SLC6A2: variants seen among roughly 807,000 people sequenced by gnomAD.
SLC6A2 encodes solute carrier family 6 member 2.
SLC6A2 carries 26 observed loss-of-function variants against 71.7 expected under a neutral mutation model. The observed-to-expected ratio is 0.36, with a 90% confidence interval of 0.27 to 0.50. The LOEUF is 0.50. Among genes scored for constraint, SLC6A2 ranks in the 20% least tolerant of loss-of-function variants. The pLI is 0.96. For synonymous variants in SLC6A2, 363 were observed against 337.9 expected, an observed-to-expected ratio of 1.07 and a Z score of -0.82; for missense variants, 581 against 803.9, an observed-to-expected ratio of 0.72 and a Z score of 3.35.
At chr16:55,657,515 G>A (rs959215729) in intron 2 of SLC6A2, among the ~76,000 whole-genome samples, 2 of 152,168 alleles carry the variant, frequency 1.3e-5, no homozygotes, top group Non-Finnish European at 2.9e-5. Flanking sequence ...GAGGCCCTGT[G>A]GTCTTGGGGA....
At chr16:55,698,807 AC>A (rs1965880672) in intron 11 of SLC6A2, among the ~76,000 whole-genome samples, 1 of 152,130 alleles carries the variant, frequency 6.6e-6, no homozygotes, top group East Asian at 1.9e-4. Context: ...GAAAATGCTG[AC>A]CCCCAAGTCA....
intron 4 of SLC6A2, among the ~76,000 whole-genome samples, chr16:55,676,001 G>A (rs1965075189): frequency 6.6e-6 from 1 of 152,116 alleles, no homozygotes; most frequent in Non-Finnish European, 1.5e-5. Flanking sequence ...GGGCTCAGGG[G>A]AGTCAGTGTT....
At chr16:55,675,201 AATGTAGCATCC>A (rs1357219723) in intron 4 of SLC6A2, among the ~76,000 whole-genome samples, 4 of 152,128 alleles carry the variant, frequency 2.6e-5, no homozygotes, top group Admixed American at 2.6e-4. Context: ...CTCTGTTCAC[AATGTAGCATCC>A]ATTGTCTTCA....
chr16:55,669,470 A>G (rs1555502727), intron 2 of SLC6A2, 95 bp from the exon 3 acceptor site: 1 of 1,375,124 alleles, frequency 7.3e-7, no homozygotes, highest in South Asian at 1.2e-5. Flanking sequence ...CCAGCTGAGC[A>G]GACGCCCAGG....
chr16:55,703,070 T>C lies in SLC6A2; in HGVS notation c.*724T>C. 1.0e-6 allele frequency: 1 copy of C among 986,452 alleles called. No individual in the cohort carries two copies. Among genetic ancestry groups the C allele is most frequent in the Non-Finnish European group, 1.2e-6 (1 of 830,734 alleles). 61.1% of individuals were successfully genotyped at this position (986,452 alleles called of 1,614,324 possible). A position where few individuals can be genotyped will look rare whatever the true frequency, so the allele number is the denominator to read the frequency against. The stretch of plus-strand genomic sequence containing the variant: ...TGGGGGACAGGAGGAAGAGGGTAAA[T>C]GAACCACAGTGAGCAGGTTCTAGGA... On this transcript the variant is annotated 3_prime_UTR_variant, in exon 15 of 15. Coordinates refer to ENST00000568943, the MANE Select transcript of SLC6A2 (RefSeq NM_001172501.3).
At chr16:55,683,856 C>A (rs1965360449) in intron 4 of SLC6A2, among the ~76,000 whole-genome samples, 1 of 152,072 alleles carries the variant, frequency 6.6e-6, no homozygotes, top group African/African-American at 2.4e-5. Flanking sequence ...CCAGGGTACA[C>A]CTCTCCTGAC....
intron 2 of SLC6A2, among the ~76,000 whole-genome samples, chr16:55,663,572 C>T (rs538971701): frequency 5.4e-4 from 83 of 152,294 alleles, no homozygotes; most frequent in Middle Eastern, 6.8e-3. Context: ...CAAGGCACTC[C>T]CTCACCTTCA....
intron 5 of SLC6A2, among the ~76,000 whole-genome samples, chr16:55,690,850 G>A (rs1475954625): frequency 1.3e-5 from 2 of 152,172 alleles, no homozygotes; most frequent in African/African-American, 4.8e-5. Context: ...AGAAGGAATA[G>A]CAAGGAAACC....
intron 13 of SLC6A2, 56 bp downstream of exon 13, chr16:55,700,362 G>A (rs1402932560): frequency 7.5e-6 from 11 of 1,470,526 alleles, no homozygotes; most frequent in South Asian, 1.2e-5. Flanking sequence ...GGGGGAAGAC[G>A]GGACGACTCT....
Position 55,705,132 on chromosome 16 carries a change from T to A in SLC6A2, c.*2786T>A. On this transcript the variant is annotated 3_prime_UTR_variant, in exon 15 of 15. Coordinates refer to ENST00000568943, the MANE Select transcript of SLC6A2 (RefSeq NM_001172501.3). ...TAAAGAATTATTATTTTTCATGAAATGTAAAATATCAGTTTGAGAACATCA... is the reference window on the plus strand; with the variant it reads ...TAAAGAATTATTATTTTTCATGAAAAGTAAAATATCAGTTTGAGAACATCA... 9.7e-7 allele frequency: 1 copy of A among 1,027,204 alleles called. No individual in the cohort carries two copies. The highest frequency in any genetic ancestry group is 1.5e-6 in the Non-Finnish European group (1 of 689,350). 63.6% of individuals were successfully genotyped at this position (1,027,204 alleles called of 1,614,324 possible).
intron 8 of SLC6A2, 31 bp from the exon 9 acceptor site, chr16:55,696,194 C>T: frequency 7.6e-7 from 1 of 1,318,940 alleles, no homozygotes; most frequent in Non-Finnish European, 1.1e-6. Context: ...ATGGTTTCAG[C>T]CATTGATGAG....
In SLC6A2 at chr16:55,703,276, C is replaced by A. The variant is rs1409644101; in HGVS notation, c.*930C>A. On this transcript the variant is annotated 3_prime_UTR_variant, in exon 15 of 15. Coordinates refer to ENST00000568943, the MANE Select transcript of SLC6A2 (RefSeq NM_001172501.3). ...TCATGTGTGTCTTCACCGTGCTGTC[C>A]TCACAAGGCCAGGTGGGTGCCCAAA... 1 of 985,320 alleles carries A rather than the reference C, an allele frequency of 1.0e-6. No homozygotes were observed. Among genetic ancestry groups the A allele is most frequent in the African/African-American group, 1.7e-5 (1 of 57,220 alleles). The allele number at this position is 985,320 out of a possible 1,614,324, so 61.0% of individuals were successfully genotyped here.
chr16:55,698,345 C>A (rs1428523311), intron 10 of SLC6A2, 124 bp from the exon 11 acceptor site: 1 of 767,068 alleles, frequency 1.3e-6, no homozygotes, highest in East Asian at 2.6e-5. Context: ...AGCCCTATGC[C>A]CTGGGTTTTC....
At chr16:55,701,671 A>G (rs551861076) in intron 13 of SLC6A2, among the ~76,000 whole-genome samples, 192 bp from the exon 14 acceptor site, 1 of 152,344 alleles carries the variant, frequency 6.6e-6, no homozygotes, top group African/African-American at 2.4e-5. Flanking sequence ...CTCAAGAAAC[A>G]GTGTCTGGAT....
chr16:55,680,784 G>A (rs1282912429), intron 4 of SLC6A2, among the ~76,000 whole-genome samples: 2 of 152,190 alleles, frequency 1.3e-5, no homozygotes, highest in African/African-American at 4.8e-5. Context: ...GGTAGAGGGA[G>A]CAACCAAGAG....
rs751480254 is a variant in SLC6A2 at position 55,700,294 on chromosome 16, C to G, written c.1746C>G (p.Gly582=). The part of the protein sequence containing the change: ...YVIYKFLSTQ[G]SLWERLAYGI... The stretch of plus-strand genomic sequence containing the variant: ...TCTATAAGTTCCTCAGCACGCAGGG[C>G]TCTCTTTGGGAGGTGAGCTCTGGTC... Residue 582 remains glycine (G), a synonymous_variant, in exon 13 of 15, where the codon GGC becomes GGG. Transcript: ENST00000568943. The G allele has an allele frequency of 6.2e-7, 1 of 1,613,316 alleles. No homozygotes were observed. The highest frequency in any genetic ancestry group is 1.1e-5 in the South Asian group (1 of 91,044).
rs1966034529 is a variant in SLC6A2 at position 55,703,479 on chromosome 16, ACT to A, written c.*1139_*1140del. ...AGGGTGAGACAAGCAGCCCAGAAATACTCTCTCAAGTGGAGGGGAGAATTTTG... is the reference window on the plus strand; with the variant it reads ...AGGGTGAGACAAGCAGCCCAGAAATACTCTCAAGTGGAGGGGAGAATTTTG... On this transcript the variant is annotated 3_prime_UTR_variant, in exon 15 of 15. Transcript: ENST00000568943. 3 of 985,192 alleles carry A rather than the reference ACT, an allele frequency of 3.0e-6. No individual in the cohort carries two copies. Among genetic ancestry groups the A allele is most frequent in the South Asian group, 9.4e-5 (2 of 21,280 alleles). 61.0% of individuals were successfully genotyped at this position (985,192 alleles called of 1,614,324 possible).
chr16:55,702,261 G>C, intron 14 of SLC6A2, 62 bp from the exon 15 acceptor site: 1 of 1,538,778 alleles, frequency 6.5e-7, no homozygotes, highest in Non-Finnish European at 9.0e-7. Context: ...GCCCCCGCCA[G>C]CTGGCCCTTG....
chr16:55,695,189 C>A, intron 7 of SLC6A2, 89 bp from the exon 8 acceptor site: 1 of 1,518,832 alleles, frequency 6.6e-7, no homozygotes, highest in African/African-American at 1.4e-5. Flanking sequence ...AGGCTGGGGC[C>A]AGGCTGCAGG....
Sources: allele counts gnomAD v4.1 joint callset (sites outside exome capture counted in the v4.1 genomes callset), GRCh38; gene constraint gnomAD v4.1.1; transcripts MANE v1.5; gene names NCBI Gene and HGNC (gene_info 2026-07-23, HGNC 2026-07-21).